GRIN2A: variants seen among roughly 807,000 people sequenced by gnomAD.
The protein encoded by GRIN2A is glutamate receptor ionotropic, NMDA 2A.
GRIN2A carries 22 observed loss-of-function variants against 113.4 expected under a neutral mutation model. The observed-to-expected ratio is 0.19, with a 90% CI of 0.14 to 0.28. GRIN2A has a LOEUF of 0.28. Among genes scored for constraint, GRIN2A ranks in the 10% least tolerant of loss-of-function variants. GRIN2A has a pLI of 1.00. For missense variants in GRIN2A, 1,502 were observed against 1,887.0 expected (o/e 0.80, Z 3.78); for synonymous variants, 827 against 738.4 (o/e 1.12, Z -1.94).
chr16:10,140,276 C>T (rs2049298242), intron 2 of GRIN2A, among the ~76,000 whole-genome samples: 1 of 151,944 alleles, frequency 6.6e-6, no homozygotes, highest in African/African-American at 2.4e-5. Flanking sequence ...CGGCAAAACA[C>T]ACAGTATACC....
rs556238755 is a variant in GRIN2A, at chr16:10,128,507, T to C, written c.414+51491A>G. 3.2e-4 allele frequency among the ~76,000 whole-genome samples: 49 copies of C among 152,272 alleles called. 2 individuals are homozygous for C. The South Asian group carries it at 0.01, about 32-fold the overall frequency. The stretch of plus-strand genomic sequence containing the variant: ...ATGTTGAGATTGGCCAAACCACCAC[T>C]GTAGATGCTCCATTCACTGGAACCA... On this transcript the variant is annotated intron_variant, in intron 2 of 12. Coordinates refer to ENST00000330684, the MANE Select transcript of GRIN2A (RefSeq NM_001134407.3).
chr16:9,954,720 A>G lies in GRIN2A; in HGVS notation c.415-16169T>C, dbSNP rs2045265946. 2.0e-5 allele frequency among the ~76,000 whole-genome samples: 3 copies of G among 152,168 alleles called. No homozygotes were observed. The South Asian group carries it at 6.2e-4, about 32-fold the overall frequency. ...CCCTGGCTTAAAACAAAACAAAACAAAAAGGTTGGGATTTTAATGAGCCTT... is the reference window on the plus strand; with the variant it reads ...CCCTGGCTTAAAACAAAACAAAACAGAAAGGTTGGGATTTTAATGAGCCTT... On this transcript the variant is annotated intron_variant, in intron 2 of 12. Coordinates refer to ENST00000330684, the MANE Select transcript of GRIN2A (RefSeq NM_001134407.3).
At chr16:10,156,636 T>C (rs1430963289) in intron 2 of GRIN2A, among the ~76,000 whole-genome samples, 3 of 152,048 alleles carry the variant, frequency 2.0e-5, no homozygotes, top group African/African-American at 7.2e-5. Context: ...AAAGACTGAG[T>C]GCATAGGAGG....
At chr16:9,931,974 C>T (rs993901481) in intron 3 of GRIN2A, among the ~76,000 whole-genome samples, 1 of 152,194 alleles carries the variant, frequency 6.6e-6, no homozygotes, top group Non-Finnish European at 1.5e-5. Context: ...GCATTAGTGG[C>T]TAGAGCTTTA....
At chr16:9,801,248 G>A (rs935530576) in intron 10 of GRIN2A, among the ~76,000 whole-genome samples, 5 of 152,196 alleles carry the variant, frequency 3.3e-5, no homozygotes, top group African/African-American at 9.7e-5. Flanking sequence ...TACTTGCAAC[G>A]TCAATACTTC....
chr16:10,023,314 C>A (rs2046759558), intron 2 of GRIN2A, among the ~76,000 whole-genome samples: 1 of 152,196 alleles, frequency 6.6e-6, no homozygotes. Context: ...AAGTAAAATA[C>A]ATTGAATAAA....
chr16:10,104,882 C>G (rs550315405), intron 2 of GRIN2A, among the ~76,000 whole-genome samples: 1 of 152,160 alleles, frequency 6.6e-6, no homozygotes, highest in East Asian at 1.9e-4. Flanking sequence ...GGAAGATTGA[C>G]AGGAAAACCA....
intron 2 of GRIN2A, among the ~76,000 whole-genome samples, chr16:10,090,923 A>C (rs535153164): frequency 1.8e-4 from 28 of 152,324 alleles, no homozygotes; most frequent in African/African-American, 6.5e-4. Flanking sequence ...ACACATGGCC[A>C]ATAAGAAATG....
intron 11 of GRIN2A, among the ~76,000 whole-genome samples, chr16:9,786,506 CT>C (rs1319591459): frequency 6.6e-6 from 1 of 152,124 alleles, no homozygotes; most frequent in African/African-American, 2.4e-5. Context: ...TGCCCAGTAC[CT>C]TCTGCAGGGT....
chr16:9,868,721 C>T (rs566265841), intron 4 of GRIN2A, among the ~76,000 whole-genome samples: 1 of 152,348 alleles, frequency 6.6e-6, no homozygotes, highest in East Asian at 1.9e-4. Flanking sequence ...CTTCCCTCTG[C>T]ATTCATGACA....
chr16:10,094,064 G>A (rs1049954136), intron 2 of GRIN2A, among the ~76,000 whole-genome samples: 1 of 152,170 alleles, frequency 6.6e-6, no homozygotes, highest in Admixed American at 6.5e-5. Flanking sequence ...GAACCTGGCT[G>A]TCAGAAAAAT....
At chr16:10,110,467 A>G (rs972628355) in intron 2 of GRIN2A, among the ~76,000 whole-genome samples, 1 of 152,234 alleles carries the variant, frequency 6.6e-6, no homozygotes, top group Non-Finnish European at 1.5e-5. Context: ...GAATATGGAG[A>G]AGCAAGTGGC....
At chr16:9,974,789 A>G (rs1407219875) in intron 2 of GRIN2A, among the ~76,000 whole-genome samples, 3 of 152,152 alleles carry the variant, frequency 2.0e-5, no homozygotes, top group African/African-American at 7.2e-5. Context: ...ATGCAAATAG[A>G]GATAATTTCA....
At chr16:9,903,806 T>G (rs1318947754) in intron 3 of GRIN2A, among the ~76,000 whole-genome samples, 1 of 152,224 alleles carries the variant, frequency 6.6e-6, no homozygotes, top group Non-Finnish European at 1.5e-5. Flanking sequence ...AAAAGACACC[T>G]CTTTCTGAAG....
chr16:10,166,518 T>C (rs1385899578), intron 2 of GRIN2A, among the ~76,000 whole-genome samples: 1 of 152,188 alleles, frequency 6.6e-6, no homozygotes, highest in African/African-American at 2.4e-5. Context: ...CTCTCCAATT[T>C]GACCCCAGAT....
intron 4 of GRIN2A, among the ~76,000 whole-genome samples, chr16:9,866,444 T>C (rs1190844720): frequency 6.6e-6 from 1 of 151,786 alleles, no homozygotes; most frequent in Non-Finnish European, 1.5e-5. Context: ...CACAAATATA[T>C]AAAGGAGAAG....
intron 9 of GRIN2A, among the ~76,000 whole-genome samples, chr16:9,826,445 T>TA (rs201533643): frequency 0.015 from 2,283 of 152,312 alleles, 29 homozygotes; most frequent in Middle Eastern, 0.051. Flanking sequence ...TGGGCTCCAA[T>TA]ATGATTATTT....
At chr16:10,055,047 C>T (rs540587764) in intron 2 of GRIN2A, among the ~76,000 whole-genome samples, 2 of 10,400 alleles carry the variant, frequency 1.9e-4, no homozygotes, top group African/African-American at 4.5e-4. Flanking sequence ...GACTCTATCT[C>T]AAAAAAAAAA....
intron 2 of GRIN2A, among the ~76,000 whole-genome samples, chr16:10,154,465 T>C (rs991841562): frequency 6.6e-6 from 1 of 152,314 alleles, no homozygotes; most frequent in East Asian, 1.9e-4. Context: ...ACCGTGTTTA[T>C]ATTTTGTCCC....
Sources: allele counts gnomAD v4.1 joint callset (sites outside exome capture counted in the v4.1 genomes callset), GRCh38; gene constraint gnomAD v4.1.1; transcripts MANE v1.5; gene names NCBI Gene and HGNC (gene_info 2026-07-23, HGNC 2026-07-21).